The following RNF38 variants were observed in gnomAD, a reference collection of about 807,000 sequenced individuals.
The protein encoded by RNF38 is E3 ubiquitin-protein ligase RNF38.
A neutral mutation model predicts 67.2 loss-of-function variants in RNF38; 15 were observed. The observed-to-expected ratio is 0.22, with a 90% CI of 0.15 to 0.34. The LOEUF is 0.34. Ranked by LOEUF, RNF38 falls within the 10% of genes least tolerant of loss-of-function variation. The pLI, the probability that RNF38 is intolerant of heterozygous loss-of-function variation, is 1.00. For missense variants in RNF38, 524 were observed against 639.9 expected (o/e 0.82, Z 1.95); for synonymous variants, 220 against 218.8 (o/e 1.01, Z -0.05).
intron 4 of RNF38, among the ~76,000 whole-genome samples, chr9:36,358,335 A>AT (rs1225310711): frequency 6.6e-6 from 1 of 152,220 alleles, no homozygotes; most frequent in Non-Finnish European, 1.5e-5. Context: ...TGTAAAGTAT[A>AT]TTTTTAAAAA....
At chr9:36,373,451 C>T (rs1282414232) in intron 3 of RNF38, among the ~76,000 whole-genome samples, 7 of 152,120 alleles carry the variant, frequency 4.6e-5, no homozygotes. Flanking sequence ...AAAACTATGA[C>T]TGAACAGGGA....
intron 9 of RNF38, among the ~76,000 whole-genome samples, chr9:36,346,392 C>T (rs553030027): frequency 1.3e-5 from 2 of 152,082 alleles, no homozygotes; most frequent in Admixed American, 1.3e-4. Flanking sequence ...GGTTTTGCCA[C>T]GTTGACCAGG....
At chr9:36,403,423 AG>A (rs1838106442), upstream of RNF38, among the ~76,000 whole-genome samples, 1 of 152,244 alleles carries the variant, frequency 6.6e-6, no homozygotes. Context: ...TGAATTGTCC[AG>A]GATCAGTTTT....
intron 8 of RNF38, among the ~76,000 whole-genome samples, chr9:36,351,981 TAG>T (rs1366007361): frequency 2.0e-5 from 3 of 152,328 alleles, no homozygotes; most frequent in East Asian, 3.9e-4. Flanking sequence ...TGCCTACTTC[TAG>T]ACTTTATTAT....
chr9:36,404,620 G>A (rs1363476818), upstream of RNF38, among the ~76,000 whole-genome samples: 1 of 152,072 alleles, frequency 6.6e-6, no homozygotes, highest in Non-Finnish European at 1.5e-5. Flanking sequence ...TTCTATCAAG[G>A]TCTTGCATAT....
intron 1 of RNF38, among the ~76,000 whole-genome samples, chr9:36,452,338 A>G (rs1245768193): frequency 6.6e-6 from 1 of 152,150 alleles, no homozygotes; most frequent in Non-Finnish European, 1.5e-5. Context: ...CCCTGTATCC[A>G]TTAGCAGTCA....
chr9:36,420,423 T>C (rs939873389), intron 2 of RNF38, among the ~76,000 whole-genome samples: 1 of 150,588 alleles, frequency 6.6e-6, no homozygotes, highest in Non-Finnish European at 1.5e-5. Flanking sequence ...TCCCAGCTAC[T>C]AGGGAGGCTG....
chr9:36,467,394 A>C (rs1235311065), intron 1 of RNF38, among the ~76,000 whole-genome samples: 2 of 151,776 alleles, frequency 1.3e-5, no homozygotes, highest in Admixed American at 6.6e-5. Context: ...AATACTTTGA[A>C]TATCACTAAT....
intron 4 of RNF38, among the ~76,000 whole-genome samples, chr9:36,365,752 G>A (rs138248252): frequency 0.015 from 1,884 of 127,664 alleles, 36 homozygotes; most frequent in African/African-American, 0.05. Flanking sequence ...TGCAACCTCC[G>A]CCTCCCGGGT....
rs951263311 is a variant in RNF38 at position 36,352,807 on chromosome 9, A to G, written c.1113T>C (p.Ser371=). Residue 371 remains serine, a synonymous_variant, in exon 8 of 12, where the codon AGT becomes AGC. Transcript: ENST00000259605. The part of the protein sequence containing the change: ...PFMPRRLTGR[S]RYRSQQPIPP... ...GTATTGGCTGCTGGGATCGGTATCT[A>G]CTACGTCCTGTAAGCCTCCGAGGCA... 2 of 1,614,102 alleles carry G rather than the reference A, an allele frequency of 1.2e-6. No homozygotes were observed. Among genetic ancestry groups the G allele is most frequent in the Non-Finnish European group, 1.7e-6 (2 of 1,179,984 alleles).
At chr9:36,456,806 G>C (rs1191223243) in intron 1 of RNF38, among the ~76,000 whole-genome samples, 1 of 152,142 alleles carries the variant, frequency 6.6e-6, no homozygotes, top group Non-Finnish European at 1.5e-5. Context: ...ATTGGGCCAT[G>C]TTGATCACTG....
chr9:36,362,130 G>GTGGATCGCCTGAGGTCAGGAGTT (rs1487756273), intron 4 of RNF38, among the ~76,000 whole-genome samples: 4 of 152,176 alleles, frequency 2.6e-5, no homozygotes. Flanking sequence ...GCTGAGGTGG[G>GTGGATCGCCTGAGGTCAGGAGTT]TGGATCGCCT....
intron 1 of RNF38, among the ~76,000 whole-genome samples, chr9:36,439,922 T>C (rs754174248): frequency 3.3e-5 from 5 of 152,116 alleles, no homozygotes; most frequent in Non-Finnish European, 7.3e-5. Flanking sequence ...TTGATATCTA[T>C]ATACTATTTA....
In RNF38 at chr9:36,390,828, C is replaced by T. The variant is rs73648749; in HGVS notation, c.13-212G>A. On this transcript the variant is annotated intron_variant, in intron 1 of 11. Transcript: ENST00000259605. ...TCTCTCTTACAAAAACTGTTGGAGG[C>T]AAAACAGCACAGCCCAAGAACACCA... Among the ~76,000 whole-genome samples, 575 of 152,256 alleles carry T rather than the reference C, an allele frequency of 3.8e-3. 3 individuals carry two copies. The highest frequency in any genetic ancestry group is 0.013 in the African/African-American group (550 of 41,538).
intron 1 of RNF38, among the ~76,000 whole-genome samples, chr9:36,477,807 G>GGGAGACT (rs1413010051): frequency 1.5e-5 from 2 of 136,234 alleles, no homozygotes; most frequent in African/African-American, 5.6e-5. Flanking sequence ...GGGCGACAGA[G>GGGAGACT]GGAGACTCTG....
At chr9:36,367,874 T>C (rs1012864011) in intron 4 of RNF38, among the ~76,000 whole-genome samples, 1 of 152,220 alleles carries the variant, frequency 6.6e-6, no homozygotes, top group African/African-American at 2.4e-5. Context: ...TTTTTTGAGA[T>C]GGAGTCTCGC....
chr9:36,443,187 T>C (rs1367571107), intron 1 of RNF38, among the ~76,000 whole-genome samples: 1 of 152,014 alleles, frequency 6.6e-6, no homozygotes, highest in Non-Finnish European at 1.5e-5. Context: ...TCCTAGAGAG[T>C]GAAATATTAA....
chr9:36,420,723 A>T (rs1044077979), intron 2 of RNF38, among the ~76,000 whole-genome samples: 2 of 152,118 alleles, frequency 1.3e-5, no homozygotes, highest in African/African-American at 4.8e-5. Flanking sequence ...AGTATCTAGA[A>T]CATTGCTCTG....
rs139137006 is a variant in RNF38 at position 36,344,961 on chromosome 9, G to A, written c.1264-8C>T. On this transcript the variant is annotated splice_polypyrimidine_tract_variant and splice_region_variant and intron_variant, in intron 9 of 11. Transcript: ENST00000259605. ...TGCCAGGTTTAACAGGGCCTGCAGC[G>A]GTAAAAGACGACATATTTTCATCTA... 6.9e-4 allele frequency: 1,101 copies of A among 1,596,524 alleles called. 7 individuals carry two copies. Among genetic ancestry groups the A allele is most frequent in the African/African-American group, 5.9e-3 (438 of 74,192 alleles).
Sources: allele counts gnomAD v4.1 joint callset (sites outside exome capture counted in the v4.1 genomes callset), GRCh38; gene constraint gnomAD v4.1.1; transcripts MANE v1.5; gene names NCBI Gene and HGNC (gene_info 2026-07-23, HGNC 2026-07-21).